ABCC12: variants seen among roughly 807,000 people sequenced by gnomAD.
ABCC12 encodes the protein ATP-binding cassette sub-family C member 12.
ABCC12 carries 142 observed loss-of-function variants against 151.1 expected under a neutral mutation model. The observed-to-expected ratio is 0.94, with a 90% CI of 0.82 to 1.08. The LOEUF is 1.08. ABCC12 is among the 50% of genes least tolerant of loss of function. The pLI is 0.00. For missense variants in ABCC12, 1,638 were observed against 1,691.1 expected, an observed-to-expected ratio of 0.97 and a Z score of 0.55; for synonymous variants, 645 against 646.4, an observed-to-expected ratio of 1.00 and a Z score of 0.03.
intron 23 of ABCC12, among the ~76,000 whole-genome samples, chr16:48,100,529 A>C (rs901190897): frequency 6.6e-6 from 1 of 152,204 alleles, no homozygotes; most frequent in African/African-American, 2.4e-5. Context: ...AAACATGAAA[A>C]AATTAATAGG....
At chr16:48,112,278 C>T (rs1963723151) in intron 15 of ABCC12, among the ~76,000 whole-genome samples, 1 of 152,146 alleles carries the variant, frequency 6.6e-6, no homozygotes, top group African/African-American at 2.4e-5. Context: ...TGCTACTGCT[C>T]CTTAAATGAG....
Position 48,083,712 on chromosome 16 carries a change from C to A in ABCC12, c.*3G>T. 6.2e-7 allele frequency: 1 copy of A among 1,614,080 alleles called. No individual in the cohort carries two copies. The highest frequency in any genetic ancestry group is 8.5e-7 in the Non-Finnish European group (1 of 1,179,982). ...CCTCCTCTAGAATCAGCCGCCAGGA[C>A]CTCTACAATCTGACTTCTGCTGCTA... On this transcript the variant is annotated 3_prime_UTR_variant, in exon 31 of 31. Transcript: ENST00000311303.
At position 48,150,815 on chromosome 16, in the gene ABCC12, C is replaced by T. The variant is rs59953801; in HGVS notation, c.-51+2801G>A. On this transcript the variant is annotated intron_variant, in intron 2 of 30. Transcript: ENST00000311303. ...ATCTATAAATATTTCTATATGTAAC[C>T]GTCCATATCTATTTTAAGCTAACAG... Among the ~76,000 whole-genome samples, 1,003 of 152,174 alleles carry T rather than the reference C, an allele frequency of 6.6e-3. 11 individuals carry two copies. Among genetic ancestry groups the T allele is most frequent in the African/African-American group, 0.022 (922 of 41,518 alleles).
intron 13 of ABCC12, 99 bp from the exon 14 acceptor site, chr16:48,117,432 G>A (rs1963922267): frequency 3.1e-6 from 4 of 1,300,484 alleles, no homozygotes; most frequent in African/African-American, 1.4e-5. Flanking sequence ...CTGGGGCAAG[G>A]CCAGGGGTGG....
intron 15 of ABCC12, among the ~76,000 whole-genome samples, 188 bp from the exon 16 acceptor site, chr16:48,112,098 A>ACCCC: frequency 6.6e-6 from 1 of 151,662 alleles, no homozygotes; most frequent in Middle Eastern, 3.4e-3. Flanking sequence ...TGTCGGTAGC[A>ACCCC]CCCCCTCCTG....
chr16:48,117,921 G>C (rs559880540), intron 13 of ABCC12, among the ~76,000 whole-genome samples: 24 of 152,210 alleles, frequency 1.6e-4, no homozygotes, highest in Non-Finnish European at 2.9e-4. Context: ...GAGTCGAAGG[G>C]AATGGCACCT....
chr16:48,138,769 C>A (rs1349035023), intron 7 of ABCC12, among the ~76,000 whole-genome samples: 1 of 152,008 alleles, frequency 6.6e-6, no homozygotes, highest in African/African-American at 2.4e-5. Context: ...GAGTTCAAGA[C>A]CAGCCTGGAC....
intron 2 of ABCC12, among the ~76,000 whole-genome samples, chr16:48,151,895 G>A (rs184642668): frequency 2.6e-5 from 4 of 152,260 alleles, no homozygotes; most frequent in South Asian, 4.2e-4. Flanking sequence ...AGGTCAATAC[G>A]GTCTGGGAGG....
intron 8 of ABCC12, among the ~76,000 whole-genome samples, chr16:48,137,618 C>A (rs926652664): frequency 3.9e-5 from 6 of 152,172 alleles, no homozygotes; most frequent in Non-Finnish European, 7.3e-5. Flanking sequence ...AATTGTCCAT[C>A]CAGACAGTCA....
intron 25 of ABCC12, among the ~76,000 whole-genome samples, chr16:48,089,254 G>T (rs1962774704): frequency 6.6e-6 from 1 of 152,226 alleles, no homozygotes; most frequent in African/African-American, 2.4e-5. Flanking sequence ...CTCATACTGG[G>T]CCTGTGGGCC....
intron 12 of ABCC12, among the ~76,000 whole-genome samples, chr16:48,122,128 C>A (rs1197452125): frequency 6.6e-6 from 1 of 152,242 alleles, no homozygotes; most frequent in Non-Finnish European, 1.5e-5. Context: ...GTGCACATGG[C>A]ACCTGGGCCC....
intron 4 of ABCC12, 134 bp from the exon 5 acceptor site, chr16:48,141,487 C>A (rs1964814179): frequency 3.4e-6 from 4 of 1,171,702 alleles, no homozygotes; most frequent in Non-Finnish European, 4.8e-6. Context: ...CCAGCACTGG[C>A]TCAGCTTTCT....
chr16:48,151,811 G>C (rs573915761), intron 2 of ABCC12, among the ~76,000 whole-genome samples: 1 of 152,334 alleles, frequency 6.6e-6, no homozygotes, highest in South Asian at 2.1e-4. Flanking sequence ...AGAATCTAAA[G>C]CCGAAAGCAG....
intron 25 of ABCC12, among the ~76,000 whole-genome samples, chr16:48,089,797 C>G (rs552795054): frequency 1.3e-5 from 2 of 152,276 alleles, no homozygotes; most frequent in South Asian, 4.1e-4. Flanking sequence ...AATATATTAA[C>G]AGAACTTGGG....
At chr16:48,123,623 A>G (rs1033054850) in intron 12 of ABCC12, among the ~76,000 whole-genome samples, 1 of 152,266 alleles carries the variant, frequency 6.6e-6, no homozygotes, top group South Asian at 2.1e-4. Context: ...AAAGCTTCTC[A>G]TTCATGTGGG....
chr16:48,124,836 C>G (rs2150643625), intron 11 of ABCC12, among the ~76,000 whole-genome samples: 1 of 152,310 alleles, frequency 6.6e-6, no homozygotes, highest in Admixed American at 6.5e-5. Flanking sequence ...CAACCACCAG[C>G]AAGAACAGCA....
At chr16:48,089,576 C>T (rs989639835) in intron 25 of ABCC12, among the ~76,000 whole-genome samples, 4 of 152,198 alleles carry the variant, frequency 2.6e-5, no homozygotes, top group African/African-American at 9.6e-5. Context: ...ATAGGGATCC[C>T]GTGTGCCCCA....
chr16:48,091,339 C>G (rs558346744), intron 24 of ABCC12, 130 bp from the exon 25 acceptor site: 1 of 795,680 alleles, frequency 1.3e-6, no homozygotes, highest in Non-Finnish European at 2.2e-6. Flanking sequence ...AAACAGGAGG[C>G]CTGCCTTCCC....
At chr16:48,128,930 A>G (rs1158060886) in intron 10 of ABCC12, among the ~76,000 whole-genome samples, 193 bp from the exon 11 acceptor site, 1 of 152,250 alleles carries the variant, frequency 6.6e-6, no homozygotes, top group Non-Finnish European at 1.5e-5. Flanking sequence ...TATCTGGGAC[A>G]GTTGCCTCTT....
Sources: gnomAD v4.1 joint callset for allele counts (sites outside exome capture counted in the v4.1 genomes callset) on GRCh38, gnomAD v4.1.1 for gene constraint, MANE v1.5 for transcripts, NCBI Gene and HGNC (gene_info 2026-07-23, HGNC 2026-07-21) for gene names.